Variants in NANP observed in about 807,000 individuals in gnomAD.
The protein encoded by NANP is N-acylneuraminate-9-phosphatase.
A neutral mutation model predicts 16.9 loss-of-function variants in NANP; 15 were observed. The ratio of observed to expected loss-of-function variants is 0.89; its 90% CI spans 0.59 to 1.37. NANP has a LOEUF of 1.37. NANP is among the 40% of genes most tolerant of loss of function. NANP has a pLI of 0.00. For missense variants in NANP, 290 were observed against 303.5 expected, an observed-to-expected ratio of 0.96 and a Z score of 0.33; for synonymous variants, 135 against 112.6, an observed-to-expected ratio of 1.20 and a Z score of -1.26.
In NANP at chr20:25,613,866, G is replaced by A. The variant is rs1281783263; in HGVS notation, c.*2059C>T. The A allele has an allele frequency of 3.8e-5, 15 of 398,444 alleles. No individual in the cohort carries two copies. The Admixed American group carries it at 6.6e-4, about 18-fold the overall frequency. 24.7% of individuals were successfully genotyped at this position (398,444 alleles called of 1,614,324 possible). A position where few individuals can be genotyped will look rare whatever the true frequency, so the allele number is the denominator to read the frequency against. On this transcript the variant is annotated 3_prime_UTR_variant, in exon 2 of 2. Transcript: ENST00000304788. ...AACCTTCACTCTCAGCATAATGAAT[G>A]TGACACTGCCTACATCCATCCTGTG...
Position 25,613,967 on chromosome 20 carries a change from T to C in NANP, c.*1958A>G. 1 of 397,444 alleles carries C rather than the reference T, an allele frequency of 2.5e-6. No individual in the cohort carries two copies. The highest frequency in any genetic ancestry group is 4.4e-6 in the Non-Finnish European group (1 of 225,580). The allele number at this position is 397,444 out of a possible 1,614,324, so 24.6% of individuals were successfully genotyped here. On this transcript the variant is annotated 3_prime_UTR_variant, in exon 2 of 2. Transcript: ENST00000304788. ...GAGCAATCATGCATGTGACTACTTC[T>C]GCCAAAATCCTCCAACTTAATTTTT...
At chr20:25,621,976 G>A (rs921736791) in intron 1 of NANP, among the ~76,000 whole-genome samples, 1 of 152,206 alleles carries the variant, frequency 6.6e-6, no homozygotes, top group African/African-American at 2.4e-5. Context: ...TGTCAAACGA[G>A]GATAATTAAG....
At chr20:25,620,410 A>T (rs59530555) in intron 1 of NANP, among the ~76,000 whole-genome samples, 7,091 of 152,252 alleles carry the variant, frequency 0.047, 169 homozygotes, top group Non-Finnish European at 0.06. Context: ...TCAAAACTCT[A>T]TTTTAAGGCT....
intron 1 of NANP, among the ~76,000 whole-genome samples, chr20:25,621,400 A>G (rs2065363589): frequency 6.6e-6 from 1 of 152,188 alleles, no homozygotes; most frequent in Non-Finnish European, 1.5e-5. Flanking sequence ...CTCTTGAGTA[A>G]TTACCATGAA....
At chr20:25,623,210 T>C (rs952178619) in intron 1 of NANP, among the ~76,000 whole-genome samples, 6 of 151,974 alleles carry the variant, frequency 3.9e-5, no homozygotes, top group African/African-American at 1.5e-4. Flanking sequence ...TCCGCGCGTG[T>C]AGAGGGGCAG....
In NANP at chr20:25,613,818, G is replaced by C; in HGVS notation, c.*2107C>G. The stretch of plus-strand genomic sequence containing the variant: ...CCTAGAAGCTATCCTGTTGAGATTT[G>C]CTACCATGATACAGGAGTGATGAAC... On this transcript the variant is annotated 3_prime_UTR_variant, in exon 2 of 2. Transcript: ENST00000304788. The C allele has an allele frequency of 2.5e-6, 1 of 398,494 alleles. No individual in the cohort carries two copies. The highest frequency in any genetic ancestry group is 6.3e-4 in the Middle Eastern group (1 of 1,588). The allele number at this position is 398,494 out of a possible 1,614,324, so 24.7% of individuals were successfully genotyped here.
chr20:25,623,644 A>T (rs1034766285), intron 1 of NANP, among the ~76,000 whole-genome samples: 2 of 152,122 alleles, frequency 1.3e-5, no homozygotes, highest in African/African-American at 4.8e-5. Context: ...CCAGGGCTCG[A>T]GATTGGGTGA....
Position 25,613,209 on chromosome 20 carries a change from G to T in NANP, c.*2716C>A, listed in dbSNP as rs1345330917. On this transcript the variant is annotated 3_prime_UTR_variant, in exon 2 of 2. Transcript: ENST00000304788. ...TATCTAACACTATAAATGTGTTAAA[G>T]AGGTTATGATAGAAAATGTTTCTTA... The T allele has an allele frequency of 6.6e-6, 1 of 152,080 alleles. No individual in the cohort carries two copies. 9.4% of individuals were successfully genotyped at this position (152,080 alleles called of 1,614,324 possible). A position where few individuals can be genotyped will look rare whatever the true frequency, so the allele number is the denominator to read the frequency against.
At chr20:25,622,559 T>A (rs2065369490) in intron 1 of NANP, among the ~76,000 whole-genome samples, 1 of 152,172 alleles carries the variant, frequency 6.6e-6, no homozygotes, top group Non-Finnish European at 1.5e-5. Flanking sequence ...TGCACAGGAC[T>A]CAGCTTACTA....
At chr20:25,622,716 C>G (rs918542508) in intron 1 of NANP, among the ~76,000 whole-genome samples, 4 of 152,214 alleles carry the variant, frequency 2.6e-5, no homozygotes, top group African/African-American at 9.6e-5. Flanking sequence ...AAAATGTCTA[C>G]TGATTCCGGC....
At position 25,623,839 on chromosome 20, in the gene NANP, G is replaced by A. The variant is rs747366374; in HGVS notation, c.90+20C>T. The A allele has an allele frequency of 6.2e-7, 1 of 1,607,434 alleles. No homozygotes were observed. ...GCGCACTGACCCCGCCCAGAGGAGC[G>A]CCATGGGTGGGGACGTTACCTCCAA... On this transcript the variant is annotated intron_variant, in intron 1 of 1. Coordinates refer to ENST00000304788, the MANE Select transcript of NANP (RefSeq NM_152667.3).
At chr20:25,619,291 T>C (rs951209394) in intron 1 of NANP, among the ~76,000 whole-genome samples, 3 of 152,088 alleles carry the variant, frequency 2.0e-5, no homozygotes, top group South Asian at 4.1e-4. Flanking sequence ...ACCCAGCTAA[T>C]AAATTTTTTT....
intron 1 of NANP, among the ~76,000 whole-genome samples, chr20:25,617,463 C>T (rs1256081146): frequency 3.9e-5 from 6 of 152,082 alleles, no homozygotes; most frequent in South Asian, 2.1e-4. Flanking sequence ...CTGCCTGCCT[C>T]GGCCTCCAAA....
intron 1 of NANP, among the ~76,000 whole-genome samples, chr20:25,623,502 C>A (rs1252594342): frequency 6.6e-6 from 1 of 152,204 alleles, no homozygotes; most frequent in African/African-American, 2.4e-5. Context: ...ACAGTCTGAC[C>A]GGGGGCGGGA....
Position 25,624,012 on chromosome 20 carries a change from T to G in NANP, c.-64A>C, listed in dbSNP as rs1259348717. 6.5e-6 allele frequency: 10 copies of G among 1,528,684 alleles called. No homozygotes were observed. In the Admixed American group the frequency reaches 1.2e-4, roughly 18 times the overall value. 94.7% of individuals were successfully genotyped at this position (1,528,684 alleles called of 1,614,324 possible). ...CCGCCTGCGCATGCGCAAGGCGGAC[T>G]GCCCAGAGAGACGTGGGAGGAGCCG... On this transcript the variant is annotated 5_prime_UTR_variant, in exon 1 of 2. Transcript: ENST00000304788.
Position 25,616,142 on chromosome 20 carries a change from A to G in NANP, c.530T>C (p.Leu177Pro), listed in dbSNP as rs760261344. 1 of 1,614,094 alleles carries G rather than the reference A, an allele frequency of 6.2e-7. No individual in the cohort carries two copies. The highest frequency in any genetic ancestry group is 8.5e-7 in the Non-Finnish European group (1 of 1,180,036). The change falls in exon 2 of 2, where the codon CTC becomes CCC. Residue 177 changes from leucine to proline, a missense_variant. Physicochemically the swap from Leu to Pro is moderately conservative, Grantham distance 98 (BLOSUM62 -3). Transcript: ENST00000304788. ...PSIFYYCCNL[L>P]GVQPGDCVMV... Reference sequence around the variant, plus strand: ...CACACAGTCCCCAGGTTGTACTCCGAGAAGATTGCAGCAGTAATAAAATAT... The same window carrying G: ...CACACAGTCCCCAGGTTGTACTCCGGGAAGATTGCAGCAGTAATAAAATAT...
In NANP at chr20:25,615,664, AAT is replaced by A; in HGVS notation, c.*259_*260del. On this transcript the variant is annotated 3_prime_UTR_variant, in exon 2 of 2. Coordinates refer to ENST00000304788, the MANE Select transcript of NANP (RefSeq NM_152667.3). The stretch of plus-strand genomic sequence containing the variant: ...AAGCTCCAGATACAGACTAACAAAT[AAT>A]ATATTTCCTTAAATTTTCTGGGCTA... The A allele has an allele frequency of 5.4e-6, 2 of 371,462 alleles. No individual in the cohort carries two copies. Among genetic ancestry groups the A allele is most frequent in the Non-Finnish European group, 9.6e-6 (2 of 208,972 alleles). The allele number at this position is 371,462 out of a possible 1,614,324, so 23.0% of individuals were successfully genotyped here. A position where few individuals can be genotyped will look rare whatever the true frequency, so the allele number is the denominator to read the frequency against.
intron 1 of NANP, among the ~76,000 whole-genome samples, chr20:25,616,849 G>A (rs2065345797): frequency 6.6e-6 from 1 of 152,122 alleles, no homozygotes; most frequent in South Asian, 2.1e-4. Context: ...GTAGTTTAGA[G>A]TCCAACATCT....
Position 25,615,565 on chromosome 20 carries a change from G to T in NANP, c.*360C>A. ...GCCAGAAGATAAACCTTACATTTGT[G>T]CATCCATGTGTAAAGCAATCCTGCT... On this transcript the variant is annotated 3_prime_UTR_variant, in exon 2 of 2. Coordinates refer to ENST00000304788, the MANE Select transcript of NANP (RefSeq NM_152667.3). 5.8e-6 allele frequency: 1 copy of T among 171,772 alleles called. No homozygotes were observed. The highest frequency in any genetic ancestry group is 1.6e-4 in the East Asian group (1 of 6,140). The allele number at this position is 171,772 out of a possible 1,614,324, so 10.6% of individuals were successfully genotyped here.
Sources: allele counts gnomAD v4.1 joint callset (sites outside exome capture counted in the v4.1 genomes callset), GRCh38; gene constraint gnomAD v4.1.1; transcripts MANE v1.5; gene names NCBI Gene and HGNC (gene_info 2026-07-23, HGNC 2026-07-21).